The following NIPA2 variants were observed in gnomAD, a reference collection of about 807,000 sequenced individuals.
NIPA2 encodes the protein magnesium transporter NIPA2.
A neutral mutation model predicts 29.7 loss-of-function variants in NIPA2; 11 were observed. The ratio of observed to expected loss-of-function variants is 0.37; its 90% confidence interval spans 0.23 to 0.61. The LOEUF (loss-of-function observed/expected upper bound fraction) is 0.61. NIPA2 is among the 20% of genes least tolerant of loss of function. The pLI is 0.66. For missense variants in NIPA2, 426 were observed against 437.9 expected (o/e 0.97, Z 0.24); for synonymous variants, 183 against 161.9 (o/e 1.13, Z -0.99).
intron 5 of NIPA2, among the ~76,000 whole-genome samples, chr15:22,856,391 CTTTTT>C (rs11410234): frequency 6.8e-6 from 1 of 146,490 alleles, no homozygotes; most frequent in Non-Finnish European, 1.5e-5. Context: ...TTTCTCCAAG[CTTTTT>C]TTTTTTCTTT....
At position 22,840,692 on chromosome 15, in the gene NIPA2, C is replaced by G. The variant is rs1027991945; in HGVS notation, c.-216+902C>G. On this transcript the variant is annotated intron_variant, in intron 2 of 7. Coordinates refer to ENST00000337451, the MANE Select transcript of NIPA2 (RefSeq NM_030922.7). ...TCCTCTGCATGTGACTCTTTTTTAC[C>G]CCTGGGAGGTTTCCTTAGCTGTAAA... 1.7e-4 allele frequency among the ~76,000 whole-genome samples: 26 copies of G among 152,002 alleles called. 2 individuals are homozygous for G. Among genetic ancestry groups the G allele is most frequent in the Middle Eastern group, 3.2e-3 (1 of 316 alleles).
intron 2 of NIPA2, among the ~76,000 whole-genome samples, chr15:22,840,095 A>AT (rs1215424727): frequency 3.3e-5 from 5 of 150,942 alleles, no homozygotes; most frequent in East Asian, 1.9e-4. Context: ...TAATTTTTGT[A>AT]TTTTTTTTAG....
At position 22,866,430 on chromosome 15, in the gene NIPA2, G is replaced by C. The variant is rs1442627639; in HGVS notation, c.666G>C (p.Leu222=). 24 of 1,614,150 alleles carry C rather than the reference G, an allele frequency of 1.5e-5. No homozygotes were observed. The highest frequency in any genetic ancestry group is 2.0e-5 in the Non-Finnish European group (24 of 1,180,012). ...VLRHPLAWIL[L]LSLIVCVSTQ... ...GGCATCCCCTGGCTTGGATTCTGCT[G>C]CTGAGCCTCATCGTCTGTGTGAGCA... is the stretch of plus-strand genomic sequence containing the variant. Residue 222 remains leucine (L), a synonymous_variant, in exon 8 of 8, where the codon CTG becomes CTC. Transcript: ENST00000337451.
At chr15:22,849,927 T>G (rs924644334) in intron 3 of NIPA2, among the ~76,000 whole-genome samples, 19 of 152,034 alleles carry the variant, frequency 1.2e-4, no homozygotes, top group Admixed American at 1.1e-3. Context: ...TGCTGGTGGT[T>G]TCTACCTTGG....
intron 7 of NIPA2, among the ~76,000 whole-genome samples, 194 bp downstream of exon 7, chr15:22,860,983 G>C (rs2058581845): frequency 6.6e-6 from 1 of 152,148 alleles, no homozygotes; most frequent in African/African-American, 2.4e-5. Flanking sequence ...GTGTTTGTAA[G>C]TAGTGTGCGT....
At chr15:22,847,831 C>T (rs760386461) in intron 3 of NIPA2, among the ~76,000 whole-genome samples, 4 of 151,590 alleles carry the variant, frequency 2.6e-5, no homozygotes, top group Non-Finnish European at 2.9e-5. Flanking sequence ...GAGTTTCTAT[C>T]TTGTTGCCCA....
intron 5 of NIPA2, among the ~76,000 whole-genome samples, chr15:22,857,470 A>G (rs1350407944): frequency 7.2e-5 from 11 of 151,742 alleles, no homozygotes; most frequent in Non-Finnish European, 2.9e-5. Context: ...TATCAGAGCA[A>G]TGTCTTTGTT....
chr15:22,865,090 G>C lies in NIPA2; in HGVS notation c.449-1123G>C, dbSNP rs1051350740. ...TTGGCTAGGCTGGTCTCGAACTCCT[G>C]ACCTCAGGTGATCTGCCATCCTCGG... On this transcript the variant is annotated intron_variant, in intron 7 of 7. Coordinates refer to ENST00000337451, the MANE Select transcript of NIPA2 (RefSeq NM_030922.7). Among the ~76,000 whole-genome samples the C allele has an allele frequency of 4.3e-4, 66 of 151,986 alleles. 1 individual carries two copies. Among genetic ancestry groups the C allele is most frequent in the South Asian group, 2.1e-4 (1 of 4,814 alleles).
chr15:22,849,590 C>T (rs7402341), intron 3 of NIPA2, among the ~76,000 whole-genome samples: 31,494 of 149,726 alleles, frequency 0.21, 3,534 homozygotes, highest in Admixed American at 0.31. Flanking sequence ...GATAGAGTCT[C>T]GCTCTGTCGC....
At chr15:22,853,476 C>A (rs529589284) in intron 5 of NIPA2, among the ~76,000 whole-genome samples, 1 of 150,852 alleles carries the variant, frequency 6.6e-6, no homozygotes, top group African/African-American at 2.4e-5. Flanking sequence ...TGGATTCAAG[C>A]GATTCTCCTG....
In NIPA2 at chr15:22,867,562, G is replaced by C. The variant is rs2059193650; in HGVS notation, c.*715G>C. ...TCTTCAGTTACCCTAATCCCATGAT[G>C]CCTGGAACCTTGATTACCGTTTTAC... On this transcript the variant is annotated 3_prime_UTR_variant, in exon 8 of 8. Coordinates refer to ENST00000337451, the MANE Select transcript of NIPA2 (RefSeq NM_030922.7). The C allele has an allele frequency of 4.8e-6, 1 of 207,850 alleles. No individual in the cohort carries two copies. Among genetic ancestry groups the C allele is most frequent in the South Asian group, 1.9e-4 (1 of 5,328 alleles). 12.9% of individuals were successfully genotyped at this position (207,850 alleles called of 1,614,324 possible). A position where few individuals can be genotyped will look rare whatever the true frequency, so the allele number is the denominator to read the frequency against.
intron 3 of NIPA2, among the ~76,000 whole-genome samples, chr15:22,847,612 C>A (rs1899150761): frequency 6.6e-6 from 1 of 151,656 alleles, no homozygotes; most frequent in African/African-American, 2.4e-5. Flanking sequence ...TTACAGGAAC[C>A]CGCCACTGCG....
At chr15:22,849,518 A>G (rs570059361) in intron 3 of NIPA2, among the ~76,000 whole-genome samples, 1 of 151,842 alleles carries the variant, frequency 6.6e-6, no homozygotes, top group Admixed American at 6.6e-5. Context: ...ACTTAGAAGA[A>G]CTCAGCACCT....
chr15:22,867,577 T>C lies in NIPA2; in HGVS notation c.*730T>C, dbSNP rs1314398613. ...ATCCCATGATGCCTGGAACCTTGAT[T>C]ACCGTTTTACATCAGCTCTTGTACT... is the stretch of plus-strand genomic sequence containing the variant. On this transcript the variant is annotated 3_prime_UTR_variant, in exon 8 of 8. Transcript: ENST00000337451. The C allele has an allele frequency of 5.2e-6, 1 of 191,586 alleles. No homozygotes were observed. Among genetic ancestry groups the C allele is most frequent in the East Asian group, 1.2e-4 (1 of 8,024 alleles). The allele number at this position is 191,586 out of a possible 1,614,324, so 11.9% of individuals were successfully genotyped here.
At chr15:22,851,446 C>T (rs1198259510) in intron 3 of NIPA2, among the ~76,000 whole-genome samples, 193 bp from the exon 4 acceptor site, 1 of 151,938 alleles carries the variant, frequency 6.6e-6, no homozygotes, top group East Asian at 1.9e-4. Flanking sequence ...GGTTTTATAG[C>T]ATGATCCTAT....
At position 22,867,390 on chromosome 15, in the gene NIPA2, C is replaced by CA. The variant is rs978924981; in HGVS notation, c.*551dup. 185 of 386,444 alleles carry CA rather than the reference C, an allele frequency of 4.8e-4. 2 individuals carry two copies. Among genetic ancestry groups the CA allele is most frequent in the African/African-American group, 2.1e-3 (103 of 48,324 alleles). 23.9% of individuals were successfully genotyped at this position (386,444 alleles called of 1,614,324 possible). On this transcript the variant is annotated 3_prime_UTR_variant, in exon 8 of 8. Transcript: ENST00000337451. ...ATGAAGGAACCTCTTTCTTACAAAA[C>CA]AAAAAAAAGGGCAGAAATCACCCCA...
intron 5 of NIPA2, among the ~76,000 whole-genome samples, chr15:22,856,154 G>C (rs941735942): frequency 6.6e-6 from 1 of 152,128 alleles, no homozygotes; most frequent in African/African-American, 2.4e-5. Context: ...TGCCAGTCCT[G>C]TGAGTGAGCT....
At chr15:22,848,530 G>T (rs981315343) in intron 3 of NIPA2, among the ~76,000 whole-genome samples, 2 of 151,816 alleles carry the variant, frequency 1.3e-5, no homozygotes, top group African/African-American at 4.8e-5. Flanking sequence ...GGCTAATTAT[G>T]AATTATTCCA....
chr15:22,860,895 T>C, intron 7 of NIPA2, 106 bp downstream of exon 7: 1 of 777,680 alleles, frequency 1.3e-6, no homozygotes, highest in Non-Finnish European at 2.0e-6. Context: ...TTCCACCTGG[T>C]AGAAGAACAA....
Sources: allele counts gnomAD v4.1 joint callset (sites outside exome capture counted in the v4.1 genomes callset), GRCh38; gene constraint gnomAD v4.1.1; transcripts MANE v1.5; gene names NCBI Gene and HGNC (gene_info 2026-07-23, HGNC 2026-07-21).